Variants in SMAP2 observed in about 807,000 individuals in gnomAD.
SMAP2 encodes stromal membrane-associated protein 2.
In SMAP2, 25 loss-of-function variants were observed where a neutral mutation model predicts 56.4. The observed-to-expected ratio is 0.44, with a 90% CI of 0.32 to 0.62. The LOEUF is 0.62. Ranked by LOEUF, SMAP2 falls within the 20% of genes least tolerant of loss-of-function variation. The probability of loss-of-function intolerance (pLI) is 0.04; values close to 1 mark genes in which losing one functional copy is unlikely to be tolerated. For missense variants in SMAP2, 388 were observed against 545.6 expected (o/e 0.71, Z 2.88); for synonymous variants, 157 against 181.7 (o/e 0.86, Z 1.09).
intron 1 of SMAP2, chr1:40,375,770 C>T (rs1644535010): frequency 1.0e-6 from 1 of 984,630 alleles, no homozygotes; most frequent in South Asian, 4.7e-5. Context: ...GTGAAGCAAC[C>T]CACTGGAGTG....
At chr1:40,417,712 C>T (rs116096904) in intron 9 of SMAP2, among the ~76,000 whole-genome samples, 2,880 of 151,990 alleles carry the variant, frequency 0.019, 24 homozygotes, top group African/African-American at 0.026. Context: ...CATTGCTTCT[C>T]GGGGAGATGG....
At chr1:40,392,421 G>C (rs1644725594) in intron 1 of SMAP2, among the ~76,000 whole-genome samples, 1 of 152,140 alleles carries the variant, frequency 6.6e-6, no homozygotes, top group Non-Finnish European at 1.5e-5. Flanking sequence ...CTTTGCTGGA[G>C]TAATTACCCA....
chr1:40,375,199 C>A (rs1644530224), intron 1 of SMAP2, among the ~76,000 whole-genome samples: 1 of 151,996 alleles, frequency 6.6e-6, no homozygotes, highest in African/African-American at 2.4e-5. Flanking sequence ...TTTTCTAATT[C>A]TTTTGGCATA....
rs1048590872 is a variant in SMAP2 at position 40,390,545 on chromosome 1, T to C, written c.104-16191T>C. ...ACACTGTTTTTCCCTTCTGGGCTTC[T>C]TTTTGAGGAAGGGGAGTGTGGATGG... On this transcript the variant is annotated intron_variant, in intron 1 of 9. Coordinates refer to ENST00000372718, the MANE Select transcript of SMAP2 (RefSeq NM_022733.3). 5.9e-5 allele frequency among the ~76,000 whole-genome samples: 9 copies of C among 152,306 alleles called. No homozygotes were observed. In the East Asian group the frequency reaches 1.7e-3, roughly 29 times the overall value.
intron 2 of SMAP2, among the ~76,000 whole-genome samples, chr1:40,407,080 A>G (rs546013294): frequency 6.6e-6 from 1 of 152,348 alleles, no homozygotes; most frequent in Non-Finnish European, 1.5e-5. Context: ...CCTTAAAAAC[A>G]GAAATAGTCT....
chr1:40,351,927 C>T (rs931160706), intron 1 of SMAP2, among the ~76,000 whole-genome samples: 2 of 152,102 alleles, frequency 1.3e-5, no homozygotes, highest in Admixed American at 6.6e-5. Context: ...TGTGAGCCAC[C>T]GTACCCAGCC....
intron 1 of SMAP2, among the ~76,000 whole-genome samples, chr1:40,375,465 G>A (rs761317271): frequency 1.2e-4 from 19 of 152,156 alleles, no homozygotes; most frequent in Non-Finnish European, 2.5e-4. Context: ...GTTATAAAAG[G>A]AGAACAGGGG....
At chr1:40,414,426 T>A (rs1048053348) in intron 6 of SMAP2, among the ~76,000 whole-genome samples, 186 bp downstream of exon 6, 1 of 152,234 alleles carries the variant, frequency 6.6e-6, no homozygotes. Context: ...TGTGACACTT[T>A]TCAGAGCGAC....
rs113782670 is a variant in SMAP2, at chr1:40,387,902, T to C, written c.103+13679T>C. Among the ~76,000 whole-genome samples the C allele has an allele frequency of 9.9e-5, 15 of 151,036 alleles. 1 individual carries two copies. The highest frequency in any genetic ancestry group is 3.6e-4 in the African/African-American group (15 of 41,258). On this transcript the variant is annotated intron_variant, in intron 1 of 9. Transcript: ENST00000372718. The stretch of plus-strand genomic sequence containing the variant: ...CTGTGTGCCGCACTTGTGGGCCAGC[T>C]GGAGTTCCGGGTGGGCATGGGCTTG...
At chr1:40,380,277 A>T (rs1644583744) in intron 1 of SMAP2, among the ~76,000 whole-genome samples, 1 of 152,126 alleles carries the variant, frequency 6.6e-6, no homozygotes, top group Non-Finnish European at 1.5e-5. Context: ...ATTTTTGCAA[A>T]TGTGCTTTAT....
At chr1:40,362,985 T>G (rs1569825261) in intron 2 of SMAP2, among the ~76,000 whole-genome samples, 2 of 152,242 alleles carry the variant, frequency 1.3e-5, no homozygotes, top group Middle Eastern at 6.8e-3. Context: ...TAAGAGGAAA[T>G]TCTCTTCTGT....
intron 1 of SMAP2, among the ~76,000 whole-genome samples, chr1:40,396,272 G>A (rs772400300): frequency 2.6e-5 from 4 of 152,136 alleles, no homozygotes; most frequent in South Asian, 2.1e-4. Flanking sequence ...AGTGGGTGCC[G>A]TCTAATAGAC....
intron 1 of SMAP2, among the ~76,000 whole-genome samples, chr1:40,375,362 A>G (rs1350651292): frequency 6.6e-6 from 1 of 152,194 alleles, no homozygotes; most frequent in Admixed American, 6.5e-5. Flanking sequence ...TAAAACAAAG[A>G]TTCAGTTATA....
chr1:40,382,148 CATT>C (rs1331224936), intron 1 of SMAP2, among the ~76,000 whole-genome samples: 6 of 152,024 alleles, frequency 3.9e-5, no homozygotes, highest in Admixed American at 2.6e-4. Flanking sequence ...CATCTGATGT[CATT>C]ATGGTATGTA....
In SMAP2 at chr1:40,421,956, G is replaced by C; in HGVS notation, c.1165-20G>C. 6.2e-7 allele frequency: 1 copy of C among 1,614,042 alleles called. No homozygotes were observed. Among genetic ancestry groups the C allele is most frequent in the South Asian group, 1.1e-5 (1 of 91,072 alleles). On this transcript the variant is annotated intron_variant, in intron 9 of 9. Transcript: ENST00000372718. ...GGAATGCCCACAGCCTGGTCTGAAAGTCTCCTCTCTCCCTTTCAGATGACC... is the reference window on the plus strand; with the variant it reads ...GGAATGCCCACAGCCTGGTCTGAAACTCTCCTCTCTCCCTTTCAGATGACC...
chr1:40,374,768 A>G lies in SMAP2; in HGVS notation c.103+545A>G, dbSNP rs1644526892. The G allele has an allele frequency of 6.4e-7, 1 of 1,550,532 alleles. No individual in the cohort carries two copies. On this transcript the variant is annotated intron_variant, in intron 1 of 9. Transcript: ENST00000372718. This position sits in a 1 kb window ranked among gnomAD's most constrained non-coding sequence, Gnocchi z 5.9. ...ACTCCTGTCATTTTGCAGCCTTGCTAAGATCTGACAAGAGTGCTTAGGTGA... is the reference window on the plus strand; with the variant it reads ...ACTCCTGTCATTTTGCAGCCTTGCTGAGATCTGACAAGAGTGCTTAGGTGA...
At chr1:40,387,503 A>G (rs564391272) in intron 1 of SMAP2, among the ~76,000 whole-genome samples, 118 of 152,342 alleles carry the variant, frequency 7.7e-4, no homozygotes, top group African/African-American at 2.8e-3. Flanking sequence ...TGGCTTTGCT[A>G]TGGGCATTAT....
At chr1:40,413,304 G>A (rs1191274734) in intron 5 of SMAP2, among the ~76,000 whole-genome samples, 3 of 152,164 alleles carry the variant, frequency 2.0e-5, no homozygotes, top group East Asian at 1.9e-4. Flanking sequence ...TAAGGGCTTC[G>A]CTTTGGGGCC....
chr1:40,388,116 G>A (rs939630236), intron 1 of SMAP2, among the ~76,000 whole-genome samples: 16 of 152,172 alleles, frequency 1.1e-4, no homozygotes, highest in African/African-American at 2.7e-4. Flanking sequence ...CCTGCAGCCC[G>A]CCATGCCTGA....
Sources: gnomAD v4.1 joint callset for allele counts (sites outside exome capture counted in the v4.1 genomes callset) on GRCh38, gnomAD v4.1.1 for gene constraint, Gnocchi (gnomAD v3.1) non-coding constraint, MANE v1.5 for transcripts, NCBI Gene and HGNC (gene_info 2026-07-23, HGNC 2026-07-21) for gene names.